Variants in TRIM62 observed in about 807,000 individuals in gnomAD.
TRIM62 encodes tripartite motif containing 62.
TRIM62 carries 39 observed loss-of-function variants against 44.2 expected under a neutral mutation model. That is an observed-to-expected ratio of 0.88 (90% CI 0.68 to 1.15). The LOEUF (loss-of-function observed/expected upper bound fraction) is 1.15. TRIM62 is among the 50% of genes most tolerant of loss of function. TRIM62 has a pLI of 0.00. For synonymous variants in TRIM62, 278 were observed against 292.3 expected (o/e 0.95, Z 0.50); for missense variants, 544 against 665.5 (o/e 0.82, Z 2.01).
At chr1:33,149,307 C>T (rs1336325356) in intron 4 of TRIM62, among the ~76,000 whole-genome samples, 4 of 152,040 alleles carry the variant, frequency 2.6e-5, no homozygotes, top group Non-Finnish European at 5.9e-5. Context: ...CACGCGCCAC[C>T]ACGCCTGGCT....
chr1:33,148,985 C>G (rs1054898713), intron 4 of TRIM62, among the ~76,000 whole-genome samples: 1 of 152,186 alleles, frequency 6.6e-6, no homozygotes, highest in African/African-American at 2.4e-5. Context: ...CCCCCTACCC[C>G]ACTTAGGTCC....
rs1407814348 is a variant in TRIM62, at chr1:33,165,418, A to G, written c.504+53T>C. The G allele has an allele frequency of 6.8e-7, 1 of 1,462,186 alleles. No homozygotes were observed. Among genetic ancestry groups the G allele is most frequent in the Admixed American group, 2.1e-5 (1 of 47,088 alleles). The allele number at this position is 1,462,186 out of a possible 1,614,324, so 90.6% of individuals were successfully genotyped here. A position where few individuals can be genotyped will look rare whatever the true frequency, so the allele number is the denominator to read the frequency against. ...CTTCCCCAGCTGGCCCCGCCCCTCGAAGCCCTGCCCTCATCTCTGCCGGCC... is the reference window on the plus strand; with the variant it reads ...CTTCCCCAGCTGGCCCCGCCCCTCGGAGCCCTGCCCTCATCTCTGCCGGCC... On this transcript the variant is annotated intron_variant, in intron 2 of 4. Coordinates refer to ENST00000291416, the MANE Select transcript of TRIM62 (RefSeq NM_018207.3). The surrounding 1 kb of genome is among the most constrained non-coding windows in gnomAD (Gnocchi z 4.0).
At position 33,145,421 on chromosome 1, in the gene TRIM62, T is replaced by C. The variant is rs1313324346; in HGVS notation, c.*1756A>G. The C allele has an allele frequency of 6.1e-6, 1 of 162,786 alleles. No homozygotes were observed. The highest frequency in any genetic ancestry group is 1.3e-5 in the Non-Finnish European group (1 of 74,188). The allele number at this position is 162,786 out of a possible 1,614,324, so 10.1% of individuals were successfully genotyped here. A position where few individuals can be genotyped will look rare whatever the true frequency, so the allele number is the denominator to read the frequency against. ...GGCTACTGACATCTGTAACTTTAAT[T>C]TAATACAAATTGATCATAACTCATA... On this transcript the variant is annotated 3_prime_UTR_variant, in exon 5 of 5. Coordinates refer to ENST00000291416, the MANE Select transcript of TRIM62 (RefSeq NM_018207.3).
Position 33,181,512 on chromosome 1 carries a change from G to A in TRIM62, c.-80C>T, listed in dbSNP as rs1570343925. ...GCGCGGCGCTGTCGGAGGCAGCACC[G>A]AGGGCTGGGCGCGGGGACGAGGCCC... On this transcript the variant is annotated 5_prime_UTR_variant, in exon 1 of 5. Transcript: ENST00000291416. This position sits in a 1 kb window ranked among gnomAD's most constrained non-coding sequence, Gnocchi z 6.5. The A allele has an allele frequency of 2.7e-6, 4 of 1,468,462 alleles. No individual in the cohort carries two copies. The highest frequency in any genetic ancestry group is 5.1e-5 in the East Asian group (2 of 39,536). 91.0% of individuals were successfully genotyped at this position (1,468,462 alleles called of 1,614,324 possible). A position where few individuals can be genotyped will look rare whatever the true frequency, so the allele number is the denominator to read the frequency against.
In TRIM62 at chr1:33,158,307, T is replaced by C; in HGVS notation, c.823A>G (p.Thr275Ala). 6.2e-7 allele frequency: 1 copy of C among 1,614,028 alleles called. No individual in the cohort carries two copies. Among genetic ancestry groups the C allele is most frequent in the Non-Finnish European group, 8.5e-7 (1 of 1,179,950 alleles). ...CAGATGGTGTACTGCAGGGGGCCTG[T>C]GTACTTGGAGGTCGGGAAGTCTTCA... Reference protein sequence around the residue: ...TYEDFPTSKYTGPLQYTIWKS... With the variant: ...TYEDFPTSKYAGPLQYTIWKS... The change falls in exon 4 of 5, where the codon ACA becomes GCA. Residue 275 changes from threonine (T) to alanine (A), a missense_variant. Thr to Ala is a moderately conservative substitution (Grantham distance 58). Coordinates refer to ENST00000291416, the MANE Select transcript of TRIM62 (RefSeq NM_018207.3).
rs1419793824 is a variant in TRIM62 at position 33,161,756 on chromosome 1, T to C, written c.505-1812A>G. On this transcript the variant is annotated intron_variant, in intron 2 of 4. Coordinates refer to ENST00000291416, the MANE Select transcript of TRIM62 (RefSeq NM_018207.3). The surrounding 1 kb of genome is among the most constrained non-coding windows in gnomAD (Gnocchi z 4.3). ...AGCTGCCCTCCACAGGCGCCCAGAC[T>C]CCGCAGCTACTCCTCTGGCTCCTCC... Among the ~76,000 whole-genome samples, 1 of 152,088 alleles carries C rather than the reference T, an allele frequency of 6.6e-6. No homozygotes were observed. The highest frequency in any genetic ancestry group is 1.9e-4 in the East Asian group (1 of 5,188).
Position 33,181,770 on chromosome 1 carries a change from C to T in TRIM62, c.-338G>A. 5.3e-6 allele frequency: 1 copy of T among 188,986 alleles called. No homozygotes were observed. Among genetic ancestry groups the T allele is most frequent in the South Asian group, 6.9e-5 (1 of 14,490 alleles). 11.7% of individuals were successfully genotyped at this position (188,986 alleles called of 1,614,324 possible). A position where few individuals can be genotyped will look rare whatever the true frequency, so the allele number is the denominator to read the frequency against. On this transcript the variant is annotated 5_prime_UTR_variant, in exon 1 of 5. Coordinates refer to ENST00000291416, the MANE Select transcript of TRIM62 (RefSeq NM_018207.3). The surrounding 1 kb of genome is among the most constrained non-coding windows in gnomAD (Gnocchi z 6.5). ...GCGGGGCAGTCCTAAGGGATAGGAG[C>T]TGGGAGAAGGGGATCCCGGAGCGGG...
chr1:33,181,014 G>A lies in TRIM62; in HGVS notation c.408+11C>T. 1 of 1,513,706 alleles carries A rather than the reference G, an allele frequency of 6.6e-7. No individual in the cohort carries two copies. Among genetic ancestry groups the A allele is most frequent in the Non-Finnish European group, 8.9e-7 (1 of 1,126,090 alleles). 93.8% of individuals were successfully genotyped at this position (1,513,706 alleles called of 1,614,324 possible). On this transcript the variant is annotated intron_variant, in intron 1 of 4. Coordinates refer to ENST00000291416, the MANE Select transcript of TRIM62 (RefSeq NM_018207.3). This position sits in a 1 kb window ranked among gnomAD's most constrained non-coding sequence, Gnocchi z 6.5. ...GCCCCGCCCCTTCCCCAGGCAGGCCGGGTAGCGCACCTGCAGCTCGTCGAA... is the reference window on the plus strand; with the variant it reads ...GCCCCGCCCCTTCCCCAGGCAGGCCAGGTAGCGCACCTGCAGCTCGTCGAA...
intron 4 of TRIM62, among the ~76,000 whole-genome samples, chr1:33,155,581 G>A (rs1043833257): frequency 5.9e-5 from 9 of 152,184 alleles, no homozygotes; most frequent in African/African-American, 2.2e-4. Context: ...CACAGGCTCT[G>A]GGGCCCGACG....
chr1:33,173,691 T>TC (rs1173459272), intron 1 of TRIM62, among the ~76,000 whole-genome samples: 5 of 151,422 alleles, frequency 3.3e-5, no homozygotes, highest in African/African-American at 1.2e-4. Context: ...TTTTTTTTTT[T>TC]TCCCTAATTA....
intron 1 of TRIM62, among the ~76,000 whole-genome samples, chr1:33,168,244 A>G (rs189431292): frequency 2.2e-4 from 33 of 152,334 alleles, no homozygotes; most frequent in African/African-American, 7.7e-4. Flanking sequence ...ATCTCAGGCC[A>G]TGAGGCAACT....
chr1:33,170,545 G>C (rs1645365851), intron 1 of TRIM62, among the ~76,000 whole-genome samples: 1 of 152,110 alleles, frequency 6.6e-6, no homozygotes, highest in East Asian at 1.9e-4. Flanking sequence ...CCAAGGATGA[G>C]GCTAGGCTGA....
Position 33,181,083 on chromosome 1 carries a change from G to A in TRIM62, c.350C>T (p.Pro117Leu), listed in dbSNP as rs1293726860. ...GACCTGATGCTGCTCGTGCAGTGCA[G>A]GCTCGTCGCAGAAGAAGCAGAGAAG... The part of the protein sequence containing the change: ...RALLCFFCDE[P>L]ALHEQHQVTG... The change falls in exon 1 of 5, where the codon CCT becomes CTT. Residue 117 changes from proline to leucine, a missense_variant. Coordinates refer to ENST00000291416, the MANE Select transcript of TRIM62 (RefSeq NM_018207.3). This position sits in a 1 kb window ranked among gnomAD's most constrained non-coding sequence, Gnocchi z 6.5. 6.3e-7 allele frequency: 1 copy of A among 1,599,770 alleles called. No homozygotes were observed. The highest frequency in any genetic ancestry group is 8.5e-7 in the Non-Finnish European group (1 of 1,178,814).
At chr1:33,175,050 T>TATGTATA (rs1557762590) in intron 1 of TRIM62, among the ~76,000 whole-genome samples, 1 of 151,304 alleles carries the variant, frequency 6.6e-6, no homozygotes, top group Non-Finnish European at 1.5e-5. Context: ...TGTATATGTA[T>TATGTATA]TTTTTTTAAG....
Position 33,158,481 on chromosome 1 carries a change from A to T in TRIM62, c.762-113T>A, listed in dbSNP as rs965407837. The T allele has an allele frequency of 3.9e-6, 3 of 772,284 alleles. No homozygotes were observed. In the South Asian group the frequency reaches 4.7e-5, roughly 12 times the overall value. The allele number at this position is 772,284 out of a possible 1,614,324, so 47.8% of individuals were successfully genotyped here. A position where few individuals can be genotyped will look rare whatever the true frequency, so the allele number is the denominator to read the frequency against. On this transcript the variant is annotated intron_variant, in intron 3 of 4. Transcript: ENST00000291416. The stretch of plus-strand genomic sequence containing the variant: ...GGCATAGGATGTGGTCATGAGTGAG[A>T]AGTCTGTGGGACTCAGATTCAAGTG...
At chr1:33,149,675 GA>G (rs1467163168) in intron 4 of TRIM62, among the ~76,000 whole-genome samples, 3 of 152,048 alleles carry the variant, frequency 2.0e-5, no homozygotes, top group Non-Finnish European at 4.4e-5. Context: ...GGCTGGTCTC[GA>G]ACTCCTGGCC....
intron 1 of TRIM62, among the ~76,000 whole-genome samples, chr1:33,173,069 G>A (rs879399809): frequency 2.0e-5 from 3 of 152,140 alleles, no homozygotes; most frequent in South Asian, 2.1e-4. Flanking sequence ...AAACCTGACC[G>A]TGACAAACTT....
intron 1 of TRIM62, among the ~76,000 whole-genome samples, chr1:33,174,893 ATG>A (rs747716010): frequency 0.03 from 4,311 of 144,678 alleles, 82 homozygotes; most frequent in Middle Eastern, 0.092. Flanking sequence ...TAAAGAAATT[ATG>A]TGTGTGTGTG....
rs1281807507 is a variant in TRIM62, at chr1:33,165,942, G to A, written c.409-376C>T. On this transcript the variant is annotated intron_variant, in intron 1 of 4. Coordinates refer to ENST00000291416, the MANE Select transcript of TRIM62 (RefSeq NM_018207.3). The surrounding 1 kb of genome is among the most constrained non-coding windows in gnomAD (Gnocchi z 4.0). ...TGGGTATTGGTCCATAGCTTGTTAG[G>A]AACCTGGACGCACAGCAGGAGATGA... is the stretch of plus-strand genomic sequence containing the variant. 1 of 162,544 alleles carries A rather than the reference G, an allele frequency of 6.2e-6. No individual in the cohort carries two copies. Among genetic ancestry groups the A allele is most frequent in the East Asian group, 1.7e-4 (1 of 5,858 alleles). The allele number at this position is 162,544 out of a possible 1,614,324, so 10.1% of individuals were successfully genotyped here. A position where few individuals can be genotyped will look rare whatever the true frequency, so the allele number is the denominator to read the frequency against.
Sources: allele counts gnomAD v4.1 joint callset (sites outside exome capture counted in the v4.1 genomes callset), GRCh38; gene constraint gnomAD v4.1.1; non-coding constraint Gnocchi (gnomAD v3.1); transcripts MANE v1.5; gene names NCBI Gene and HGNC (gene_info 2026-07-23, HGNC 2026-07-21).